Variants in PALS2 observed in about 807,000 individuals in gnomAD.
The protein encoded by PALS2 is protein PALS2.
In PALS2, 27 loss-of-function variants were observed where a neutral mutation model predicts 61.6. That is an observed-to-expected ratio of 0.44 (90% CI 0.32 to 0.60). The LOEUF is 0.60. PALS2 is among the 20% of genes least tolerant of loss of function. PALS2 has a pLI of 0.05. For missense variants in PALS2, 554 were observed against 639.4 expected (o/e 0.87, Z 1.44); for synonymous variants, 236 against 218.6 (o/e 1.08, Z -0.70).
intron 11 of PALS2, among the ~76,000 whole-genome samples, chr7:24,681,313 G>A (rs946895056): frequency 7.9e-5 from 12 of 151,942 alleles, no homozygotes; most frequent in Admixed American, 6.6e-5. Flanking sequence ...TTCAATAATC[G>A]TGGCAATTTC....
intron 2 of PALS2, among the ~76,000 whole-genome samples, chr7:24,630,372 A>G (rs375461524): frequency 6.6e-6 from 1 of 152,126 alleles, no homozygotes; most frequent in African/African-American, 2.4e-5. Flanking sequence ...ATTAGGAGAA[A>G]TACCTAATGT....
Position 24,687,616 on chromosome 7 carries a change from G to T in PALS2, c.*2G>T, listed in dbSNP as rs1437683805. 3 of 1,596,044 alleles carry T rather than the reference G, an allele frequency of 1.9e-6. No homozygotes were observed. The highest frequency in any genetic ancestry group is 1.2e-5 in the South Asian group (1 of 86,832). ...GTCCCAATCAGCTGGGTTTACTGAT[G>T]ATTCAGTAAGGTTAACAATGAAAAT... is the stretch of plus-strand genomic sequence containing the variant. On this transcript the variant is annotated 3_prime_UTR_variant, in exon 12 of 12. Transcript: ENST00000222644. The surrounding 1 kb of genome is among the most constrained non-coding windows in gnomAD (Gnocchi z 4.5).
chr7:24,623,828 A>C, intron 2 of PALS2, 44 bp downstream of exon 2: 1 of 1,353,622 alleles, frequency 7.4e-7, no homozygotes, highest in East Asian at 2.3e-5. Context: ...TTTTGGACTT[A>C]GTTTTTATAG....
chr7:24,587,281 G>A (rs1783105018), intron 1 of PALS2, among the ~76,000 whole-genome samples: 1 of 152,026 alleles, frequency 6.6e-6, no homozygotes, highest in South Asian at 2.1e-4. Context: ...ATATAGGGGA[G>A]GGGAAAGAGC....
rs545522070 is a variant in PALS2, at chr7:24,655,038, A to C, written c.651+4326A>C. 5.3e-5 allele frequency among the ~76,000 whole-genome samples: 8 copies of C among 152,350 alleles called. No homozygotes were observed. The South Asian group carries it at 1.4e-3, about 28-fold the overall frequency. On this transcript the variant is annotated intron_variant, in intron 5 of 11. Coordinates refer to ENST00000222644, the MANE Select transcript of PALS2 (RefSeq NM_001303037.2). ...AAAAGGGGACATGTGTTCAGTAAAC[A>C]TATAAAGATATATTGAAAATCATAA...
At chr7:24,622,349 A>G (rs1784554448) in intron 1 of PALS2, among the ~76,000 whole-genome samples, 1 of 151,954 alleles carries the variant, frequency 6.6e-6, no homozygotes, top group Non-Finnish European at 1.5e-5. Flanking sequence ...TCTTTCAATG[A>G]TGTTTTATAG....
At chr7:24,578,889 C>G (rs1782736028) in intron 1 of PALS2, among the ~76,000 whole-genome samples, 1 of 152,144 alleles carries the variant, frequency 6.6e-6, no homozygotes, top group Non-Finnish European at 1.5e-5. Context: ...CTGAAAAGCA[C>G]TCTTCCTGGA....
chr7:24,622,516 T>G (rs1481305611), intron 1 of PALS2, among the ~76,000 whole-genome samples: 3 of 151,968 alleles, frequency 2.0e-5, no homozygotes, highest in Non-Finnish European at 4.4e-5. Context: ...ACATATTGGT[T>G]GTTTTGTATT....
At chr7:24,607,625 A>G (rs546232376) in intron 1 of PALS2, among the ~76,000 whole-genome samples, 16 of 151,038 alleles carry the variant, frequency 1.1e-4, no homozygotes, top group South Asian at 2.1e-4. Flanking sequence ...ATATGTGTGT[A>G]TATATACATA....
Position 24,586,317 on chromosome 7 carries a change from C to T in PALS2, c.-3+12724C>T, listed in dbSNP as rs115872673. Among the ~76,000 whole-genome samples, 343 of 152,126 alleles carry T rather than the reference C, an allele frequency of 2.3e-3. 2 individuals are homozygous for T. The highest frequency in any genetic ancestry group is 7.7e-3 in the African/African-American group (321 of 41,506). ...AGAATTCAGAAGAAGAAATGTTCACCTGTGGGGAGAGACTTGCTACTTATT... is the reference window on the plus strand; with the variant it reads ...AGAATTCAGAAGAAGAAATGTTCACTTGTGGGGAGAGACTTGCTACTTATT... On this transcript the variant is annotated intron_variant, in intron 1 of 11. Coordinates refer to ENST00000222644, the MANE Select transcript of PALS2 (RefSeq NM_001303037.2).
At chr7:24,613,237 T>C (rs972527284) in intron 1 of PALS2, among the ~76,000 whole-genome samples, 8 of 151,770 alleles carry the variant, frequency 5.3e-5, no homozygotes, top group Non-Finnish European at 7.4e-5. Flanking sequence ...CATGCCTTTT[T>C]TTAAAGAGAG....
At chr7:24,612,021 G>A (rs1276323618) in intron 1 of PALS2, among the ~76,000 whole-genome samples, 2 of 151,836 alleles carry the variant, frequency 1.3e-5, no homozygotes, top group East Asian at 3.8e-4. Context: ...ATATTTACGA[G>A]GTAGAATTTA....
At chr7:24,637,946 T>C (rs1785319518) in intron 2 of PALS2, among the ~76,000 whole-genome samples, 1 of 152,208 alleles carries the variant, frequency 6.6e-6, no homozygotes, top group Admixed American at 6.5e-5. Flanking sequence ...AGTGTTGCAA[T>C]AGTGCTCTTT....
intron 2 of PALS2, among the ~76,000 whole-genome samples, chr7:24,633,522 A>G (rs1215097392): frequency 7.5e-6 from 1 of 133,470 alleles, no homozygotes; most frequent in Non-Finnish European, 1.6e-5. Flanking sequence ...CAGTTTGAAT[A>G]TAATATACCT....
intron 5 of PALS2, among the ~76,000 whole-genome samples, chr7:24,651,955 A>C (rs995171463): frequency 6.6e-6 from 1 of 152,184 alleles, no homozygotes; most frequent in East Asian, 1.9e-4. Context: ...ACTTATGAAA[A>C]TAGATAGGCT....
At chr7:24,622,955 T>C (rs1310321687) in intron 1 of PALS2, among the ~76,000 whole-genome samples, 7 of 151,960 alleles carry the variant, frequency 4.6e-5, no homozygotes, top group Non-Finnish European at 8.8e-5. Context: ...TTGTTCTTGG[T>C]TTTATTAATA....
chr7:24,636,652 C>G (rs1321158397), intron 2 of PALS2, among the ~76,000 whole-genome samples: 1 of 152,074 alleles, frequency 6.6e-6, no homozygotes, highest in Non-Finnish European at 1.5e-5. Context: ...TAAATATGTA[C>G]AATATGTATC....
intron 5 of PALS2, among the ~76,000 whole-genome samples, chr7:24,662,910 C>T (rs938353514): frequency 1.3e-5 from 2 of 151,616 alleles, no homozygotes; most frequent in Admixed American, 1.3e-4. Context: ...TTTCGGAGAT[C>T]ATAACTAACA....
chr7:24,680,742 T>G (rs1475124887), intron 11 of PALS2, among the ~76,000 whole-genome samples: 1 of 152,096 alleles, frequency 6.6e-6, no homozygotes, highest in African/African-American at 2.4e-5. Flanking sequence ...ATTACAGGCA[T>G]GCGCTACCAG....
Sources: gnomAD v4.1 joint callset for allele counts (sites outside exome capture counted in the v4.1 genomes callset) on GRCh38, gnomAD v4.1.1 for gene constraint, Gnocchi (gnomAD v3.1) non-coding constraint, MANE v1.5 for transcripts, NCBI Gene and HGNC (gene_info 2026-07-23, HGNC 2026-07-21) for gene names.